CCDC63: variants seen among roughly 807,000 people sequenced by gnomAD.
CCDC63 encodes the protein coiled-coil domain-containing protein 63.
In CCDC63, 54 loss-of-function variants were observed where a neutral mutation model predicts 63.6. The observed-to-expected ratio is 0.85, with a 90% confidence interval of 0.68 to 1.07. The LOEUF (loss-of-function observed/expected upper bound fraction) is 1.07. Among genes scored for constraint, CCDC63 ranks in the 50% least tolerant of loss-of-function variants. The pLI is 0.00. For missense variants in CCDC63, 637 were observed against 689.6 expected (o/e 0.92, Z 0.86); for synonymous variants, 253 against 266.1 (o/e 0.95, Z 0.48).
chr12:110,886,794 A>C (rs2071286638), intron 8 of CCDC63, among the ~76,000 whole-genome samples: 1 of 152,130 alleles, frequency 6.6e-6, no homozygotes, highest in Non-Finnish European at 1.5e-5. Context: ...GGGGTGGGGA[A>C]GACAGACTTG....
At chr12:110,854,604 A>C (rs1256658584) in intron 3 of CCDC63, among the ~76,000 whole-genome samples, 1 of 151,878 alleles carries the variant, frequency 6.6e-6, no homozygotes, top group Non-Finnish European at 1.5e-5. Context: ...TGTGTGTATC[A>C]TTTCTTCAGG....
chr12:110,851,585 A>G (rs187111690), intron 1 of CCDC63, among the ~76,000 whole-genome samples: 10 of 152,124 alleles, frequency 6.6e-5, no homozygotes, highest in South Asian at 2.1e-4. Flanking sequence ...GGATGCCCCA[A>G]TCTTGAAGGT....
At chr12:110,897,892 A>C (rs1260838550) in intron 9 of CCDC63, among the ~76,000 whole-genome samples, 2 of 151,936 alleles carry the variant, frequency 1.3e-5, no homozygotes, top group Non-Finnish European at 2.9e-5. Flanking sequence ...CACCATGCCC[A>C]ACTAATTTTT....
chr12:110,884,069 A>G lies in CCDC63; in HGVS notation c.893A>G (p.Glu298Gly), dbSNP rs146807672. The change falls in exon 8 of 12, where the codon GAG becomes GGG. Residue 298 changes from glutamate to glycine, a missense_variant. Physicochemically the swap from Glu to Gly is moderately conservative, Grantham distance 98. Transcript: ENST00000308208. ...AKKHVKKNRG[E>G]SFESYEVAHL... ...AAGCATGTCAAGAAGAACAGGGGAGAGAGTTTTGAGAGCTATGAGGTGGCC... is the reference window on the plus strand; with the variant it reads ...AAGCATGTCAAGAAGAACAGGGGAGGGAGTTTTGAGAGCTATGAGGTGGCC... 1.4e-5 allele frequency: 22 copies of G among 1,613,790 alleles called. No individual in the cohort carries two copies. The African/African-American group carries it at 2.8e-4, about 21-fold the overall frequency.
chr12:110,897,630 A>G (rs1011403345), intron 9 of CCDC63, among the ~76,000 whole-genome samples: 2 of 151,792 alleles, frequency 1.3e-5, no homozygotes, highest in African/African-American at 4.8e-5. Flanking sequence ...GTGAAATTTT[A>G]TATTCATTTG....
chr12:110,880,322 G>T (rs1248310745), intron 6 of CCDC63, among the ~76,000 whole-genome samples: 1 of 152,166 alleles, frequency 6.6e-6, no homozygotes, highest in Non-Finnish European at 1.5e-5. Context: ...TTACAGACTG[G>T]AATGTGCAGG....
intron 3 of CCDC63, among the ~76,000 whole-genome samples, chr12:110,854,978 A>G (rs1349234862): frequency 6.6e-6 from 1 of 151,600 alleles, no homozygotes; most frequent in Non-Finnish European, 1.5e-5. Context: ...TTTTGTATCG[A>G]TGGGGTTTCA....
At chr12:110,882,785 C>T (rs2071224398) in intron 7 of CCDC63, among the ~76,000 whole-genome samples, 3 of 152,044 alleles carry the variant, frequency 2.0e-5, no homozygotes, top group Admixed American at 2.0e-4. Context: ...GCCTGAGCCT[C>T]CCCAGAACAG....
chr12:110,875,292 C>T lies in CCDC63; in HGVS notation c.489+1331C>T, dbSNP rs113661398. On this transcript the variant is annotated intron_variant, in intron 5 of 11. Transcript: ENST00000308208. ...AGGGCTTAGATTTGGGCATCTGCAC[C>T]GTTATTAGCAAACCCAGAGAGACTG... 5.3e-4 allele frequency among the ~76,000 whole-genome samples: 80 copies of T among 152,284 alleles called. 1 individual carries two copies. Among genetic ancestry groups the T allele is most frequent in the Admixed American group, 3.5e-3 (54 of 15,304 alleles).
intron 8 of CCDC63, among the ~76,000 whole-genome samples, chr12:110,891,687 C>T (rs2071359494): frequency 1.3e-5 from 2 of 151,336 alleles, no homozygotes; most frequent in African/African-American, 2.4e-5. Flanking sequence ...CCCCAGAACC[C>T]CTCCCATACC....
intron 4 of CCDC63, among the ~76,000 whole-genome samples, chr12:110,866,309 CT>C (rs67350855): frequency 0.19 from 26,032 of 136,898 alleles, 2,582 homozygotes; most frequent in South Asian, 0.28. Flanking sequence ...TTAAGCCACT[CT>C]TTTTTTTTTT....
chr12:110,849,282 G>A (rs2070676604), intron 1 of CCDC63, among the ~76,000 whole-genome samples: 1 of 152,208 alleles, frequency 6.6e-6, no homozygotes, highest in South Asian at 2.1e-4. Flanking sequence ...CACCTAACAT[G>A]ATGTCTAGAG....
intron 3 of CCDC63, among the ~76,000 whole-genome samples, chr12:110,855,030 A>G (rs1341325937): frequency 1.3e-5 from 2 of 151,918 alleles, no homozygotes; most frequent in South Asian, 2.1e-4. Flanking sequence ...AGCTCAAGCA[A>G]TCCGCCCGCC....
intron 8 of CCDC63, among the ~76,000 whole-genome samples, chr12:110,888,369 G>A (rs1273657895): frequency 6.6e-6 from 1 of 152,118 alleles, no homozygotes; most frequent in Non-Finnish European, 1.5e-5. Flanking sequence ...GAGCTGAATT[G>A]GCCTTGATTT....
rs761045944 is a variant in CCDC63 at position 110,853,397 on chromosome 12, T to G, written c.10-8T>G. ...CTACGGCCTCCCACTCCTCTCCATC[T>G]CCCCCAGTTGAAGAAGAACAGGAGA... On this transcript the variant is annotated splice_polypyrimidine_tract_variant and splice_region_variant and intron_variant, in intron 2 of 11. Coordinates refer to ENST00000308208, the MANE Select transcript of CCDC63 (RefSeq NM_152591.3). 5 of 1,604,264 alleles carry G rather than the reference T, an allele frequency of 3.1e-6. No individual in the cohort carries two copies. The highest frequency in any genetic ancestry group is 4.2e-6 in the Non-Finnish European group (5 of 1,177,230).
intron 7 of CCDC63, among the ~76,000 whole-genome samples, chr12:110,883,455 C>A (rs1322824574): frequency 6.6e-6 from 1 of 152,140 alleles, no homozygotes; most frequent in African/African-American, 2.4e-5. Context: ...CCGGCCAGGG[C>A]AGGGATTTTG....
chr12:110,855,199 G>A (rs748584533), intron 3 of CCDC63, among the ~76,000 whole-genome samples: 3 of 152,174 alleles, frequency 2.0e-5, no homozygotes, highest in Admixed American at 6.5e-5. Context: ...TTCTCAAGAC[G>A]CTTTACTGTC....
chr12:110,896,299 C>G (rs1254716384), intron 9 of CCDC63, among the ~76,000 whole-genome samples: 1 of 152,118 alleles, frequency 6.6e-6, no homozygotes, highest in African/African-American at 2.4e-5. Flanking sequence ...AGCCACCATG[C>G]CTGGCCTAAT....
At chr12:110,904,213 A>G (rs2283353) in intron 10 of CCDC63, among the ~76,000 whole-genome samples, 45,789 of 151,706 alleles carry the variant, frequency 0.3, 7,156 homozygotes, top group Admixed American at 0.34. Context: ...ACGGTGTCAT[A>G]TGTCTTTGGT....
Sources: gnomAD v4.1 joint callset for allele counts (sites outside exome capture counted in the v4.1 genomes callset) on GRCh38, gnomAD v4.1.1 for gene constraint, MANE v1.5 for transcripts, NCBI Gene and HGNC (gene_info 2026-07-23, HGNC 2026-07-21) for gene names.